SMYD3: variants seen among roughly 807,000 people sequenced by gnomAD.
SMYD3 encodes the protein SET and MYND domain containing 3, also known as histone-lysine N-methyltransferase SMYD3.
A neutral mutation model predicts 57.7 loss-of-function variants in SMYD3; 36 were observed. The observed-to-expected ratio is 0.62, with a 90% confidence interval of 0.48 to 0.82. The LOEUF is 0.82. Ranked by LOEUF, SMYD3 falls within the 40% of genes least tolerant of loss-of-function variation. SMYD3 has a pLI of 0.00. For missense variants in SMYD3, 515 were observed against 538.8 expected (o/e 0.96, Z 0.44); for synonymous variants, 211 against 195.0 (o/e 1.08, Z -0.68).
intron 5 of SMYD3, among the ~76,000 whole-genome samples, chr1:246,015,526 C>T (rs528167984): frequency 3.9e-5 from 6 of 152,274 alleles, no homozygotes; most frequent in South Asian, 4.1e-4. Flanking sequence ...ACAACCATCA[C>T]GACCATCCAT....
chr1:245,842,955 C>T (rs2050478433), intron 10 of SMYD3, among the ~76,000 whole-genome samples: 1 of 152,210 alleles, frequency 6.6e-6, no homozygotes. Flanking sequence ...GAGGGATCCT[C>T]CCACTTTGGC....
intron 5 of SMYD3, among the ~76,000 whole-genome samples, chr1:246,132,800 C>G (rs924212243): frequency 2.6e-5 from 4 of 151,814 alleles, no homozygotes; most frequent in African/African-American, 9.7e-5. Flanking sequence ...AAGGAAAAAC[C>G]CAATTTTTAA....
At chr1:245,913,485 C>T (rs1240799719) in intron 8 of SMYD3, among the ~76,000 whole-genome samples, 1 of 150,922 alleles carries the variant, frequency 6.6e-6, no homozygotes, top group Non-Finnish European at 1.5e-5. Context: ...ACGTTGTGCA[C>T]ATGTGCCCTA....
At position 245,764,159 on chromosome 1, in the gene SMYD3, A is replaced by G. The variant is rs2045971515; in HGVS notation, c.1077-10T>C. On this transcript the variant is annotated splice_polypyrimidine_tract_variant and intron_variant, in intron 10 of 11. Transcript: ENST00000490107. Reference sequence around the variant, plus strand: ...TCCTGGGAAAAAAATCCTGGAAGAAACCAAACGGCAAACAGTGTCAGCAGC... The same window carrying G: ...TCCTGGGAAAAAAATCCTGGAAGAAGCCAAACGGCAAACAGTGTCAGCAGC... 6.3e-7 allele frequency: 1 copy of G among 1,596,878 alleles called. No individual in the cohort carries two copies. The highest frequency in any genetic ancestry group is 1.7e-5 in the Admixed American group (1 of 59,964).
At chr1:246,072,502 G>T (rs2060475515) in intron 5 of SMYD3, among the ~76,000 whole-genome samples, 1 of 152,186 alleles carries the variant, frequency 6.6e-6, no homozygotes, top group African/African-American at 2.4e-5. Flanking sequence ...TTATCTTGTG[G>T]TTGTCTTCAT....
At chr1:246,071,923 T>C (rs1277050649) in intron 5 of SMYD3, among the ~76,000 whole-genome samples, 23 of 137,338 alleles carry the variant, frequency 1.7e-4, no homozygotes, top group African/African-American at 4.3e-4. Context: ...ATTCGTGTGC[T>C]TTCCACTGTG....
intron 5 of SMYD3, among the ~76,000 whole-genome samples, chr1:246,104,636 T>A (rs922875397): frequency 2.6e-5 from 4 of 151,148 alleles, no homozygotes; most frequent in Admixed American, 2.6e-4. Flanking sequence ...AGACTGGAAA[T>A]GGGGGGAAAA....
intron 10 of SMYD3, among the ~76,000 whole-genome samples, chr1:245,854,549 T>C (rs983677332): frequency 6.6e-6 from 1 of 152,080 alleles, no homozygotes; most frequent in Non-Finnish European, 1.5e-5. Context: ...CACTCTCTTG[T>C]AAAGTGAAAA....
intron 5 of SMYD3, among the ~76,000 whole-genome samples, chr1:246,069,301 A>G (rs1372874708): frequency 6.6e-6 from 1 of 152,242 alleles, no homozygotes; most frequent in Non-Finnish European, 1.5e-5. Flanking sequence ...AAAAGTTGTG[A>G]AAATTTTCTT....
intron 1 of SMYD3, among the ~76,000 whole-genome samples, chr1:246,416,220 A>G (rs535068712): frequency 6.6e-6 from 1 of 152,324 alleles, no homozygotes; most frequent in East Asian, 1.9e-4. Flanking sequence ...ATGAGACAGC[A>G]GTTCTGCCCA....
At chr1:246,337,576 C>T (rs10924695) in intron 2 of SMYD3, among the ~76,000 whole-genome samples, 6,235 of 152,224 alleles carry the variant, frequency 0.041, 430 homozygotes, top group African/African-American at 0.14. Flanking sequence ...CAGATGCTCT[C>T]ATGGACAGAG....
chr1:246,422,520 G>A (rs1024776707), intron 1 of SMYD3, among the ~76,000 whole-genome samples: 4 of 151,974 alleles, frequency 2.6e-5, no homozygotes, highest in African/African-American at 4.8e-5. Flanking sequence ...CACCTCCTGC[G>A]TTCAAGGGAT....
At chr1:246,421,658 C>T (rs2067144659) in intron 1 of SMYD3, among the ~76,000 whole-genome samples, 6 of 151,952 alleles carry the variant, frequency 3.9e-5, no homozygotes, top group Non-Finnish European at 7.4e-5. Context: ...GAAAATAATA[C>T]AAAGCAATTA....
chr1:245,768,653 G>A (rs76876035), intron 10 of SMYD3, among the ~76,000 whole-genome samples: 82 of 152,298 alleles, frequency 5.4e-4, no homozygotes, highest in African/African-American at 1.9e-3. Flanking sequence ...CCTTTAAGAG[G>A]TGATTAGGTC....
At chr1:246,148,687 A>G (rs2148146108) in intron 5 of SMYD3, among the ~76,000 whole-genome samples, 1 of 152,360 alleles carries the variant, frequency 6.6e-6, no homozygotes, top group South Asian at 2.1e-4. Flanking sequence ...CTGCTGTTCA[A>G]CAAACACTGT....
At chr1:246,049,636 G>T (rs1239821613) in intron 5 of SMYD3, among the ~76,000 whole-genome samples, 1 of 152,264 alleles carries the variant, frequency 6.6e-6, no homozygotes, top group East Asian at 1.9e-4. Flanking sequence ...AAAAAACACA[G>T]TATGTATTTA....
intron 11 of SMYD3, 63 bp from the exon 12 acceptor site, chr1:245,749,727 C>A (rs752664364): frequency 7.6e-7 from 1 of 1,316,124 alleles, no homozygotes; most frequent in Non-Finnish European, 1.1e-6. Flanking sequence ...CCATTCCCCA[C>A]CTTTACCCCA....
At chr1:245,965,878 G>A (rs936084541) in intron 5 of SMYD3, among the ~76,000 whole-genome samples, 7 of 152,088 alleles carry the variant, frequency 4.6e-5, no homozygotes, top group African/African-American at 1.7e-4. Context: ...ATGTCAACTC[G>A]GGAGTCTGGG....
At chr1:246,084,624 G>C (rs1442054646) in intron 5 of SMYD3, among the ~76,000 whole-genome samples, 1 of 152,112 alleles carries the variant, frequency 6.6e-6, no homozygotes, top group Non-Finnish European at 1.5e-5. Context: ...TCATTCATCA[G>C]GCAAATAAAT....
Sources: allele counts gnomAD v4.1 joint callset (sites outside exome capture counted in the v4.1 genomes callset), GRCh38; gene constraint gnomAD v4.1.1; transcripts MANE v1.5; gene names NCBI Gene and HGNC (gene_info 2026-07-23, HGNC 2026-07-21).